RSPO3: variants seen among roughly 807,000 people sequenced by gnomAD.
RSPO3 encodes R-spondin 3.
Under a neutral mutation model 36.5 loss-of-function variants are expected in RSPO3, and 17 were observed. The ratio of observed to expected loss-of-function variants is 0.47; its 90% CI spans 0.32 to 0.70. The LOEUF is 0.70. Among genes scored for constraint, RSPO3 ranks in the 30% least tolerant of loss-of-function variants. The pLI is 0.04. For synonymous variants in RSPO3, 108 were observed against 107.0 expected, an observed-to-expected ratio of 1.01 and a Z score of -0.06; for missense variants, 294 against 322.5, an observed-to-expected ratio of 0.91 and a Z score of 0.68.
At chr6:127,124,121 G>A (rs922183443) in intron 1 of RSPO3, among the ~76,000 whole-genome samples, 1 of 151,924 alleles carries the variant, frequency 6.6e-6, no homozygotes, top group African/African-American at 2.4e-5. Context: ...GTAGAGTTAA[G>A]ACCAAAATAC....
At position 127,171,726 on chromosome 6, in the gene RSPO3, A is replaced by G. The variant is rs569563256; in HGVS notation, c.634+16288A>G. 4.0e-5 allele frequency among the ~76,000 whole-genome samples: 6 copies of G among 151,364 alleles called. No individual in the cohort carries two copies. The East Asian group carries it at 1.2e-3, about 30-fold the overall frequency. The stretch of plus-strand genomic sequence containing the variant: ...CTGTCATTTATCCTTCCTCTTTTTG[A>G]TTGCTAAATACATAATCTAAAATGT... On this transcript the variant is annotated intron_variant, in intron 4 of 4. Transcript: ENST00000356698.
intron 4 of RSPO3, among the ~76,000 whole-genome samples, chr6:127,164,012 T>C (rs1774763299): frequency 6.6e-6 from 1 of 152,090 alleles, no homozygotes; most frequent in South Asian, 2.1e-4. Flanking sequence ...TCTCCTCTGC[T>C]GCAGAGTCTT....
At chr6:127,144,620 T>G (rs190838234) in intron 1 of RSPO3, among the ~76,000 whole-genome samples, 4 of 149,400 alleles carry the variant, frequency 2.7e-5, no homozygotes, top group Admixed American at 2.7e-4. Flanking sequence ...TCTTTTTCTG[T>G]AATTTTTCAG....
At chr6:127,146,776 A>G (rs1206212567) in intron 1 of RSPO3, among the ~76,000 whole-genome samples, 1 of 152,092 alleles carries the variant, frequency 6.6e-6, no homozygotes, top group African/African-American at 2.4e-5. Context: ...TCTATAGACA[A>G]TTCTATGAAA....
Position 127,134,772 on chromosome 6 carries a change from C to A in RSPO3, c.98-13876C>A, listed in dbSNP as rs573655338. On this transcript the variant is annotated intron_variant, in intron 1 of 4. Coordinates refer to ENST00000356698, the MANE Select transcript of RSPO3 (RefSeq NM_032784.5). ...TGTTTATCTCATGGAACCTTCACAA[C>A]AATTTCATGAGATATTATTCCATTT... Among the ~76,000 whole-genome samples, 12 of 152,290 alleles carry A rather than the reference C, an allele frequency of 7.9e-5. No individual in the cohort carries two copies. The East Asian group carries it at 2.3e-3, about 29-fold the overall frequency.
At position 127,122,300 on chromosome 6, in the gene RSPO3, C is replaced by T. The variant is rs78066348; in HGVS notation, c.97+3011C>T. 4.3e-3 allele frequency among the ~76,000 whole-genome samples: 657 copies of T among 152,248 alleles called. 6 individuals are homozygous for T. The highest frequency in any genetic ancestry group is 0.015 in the African/African-American group (634 of 41,540). Reference sequence around the variant, plus strand: ...ATTTAGTTATGGGTGAATAAATACACAATAAATTTTTATCTATTTGAATTG... The same window carrying T: ...ATTTAGTTATGGGTGAATAAATACATAATAAATTTTTATCTATTTGAATTG... On this transcript the variant is annotated intron_variant, in intron 1 of 4. Coordinates refer to ENST00000356698, the MANE Select transcript of RSPO3 (RefSeq NM_032784.5).
At chr6:127,187,905 G>A (rs1028565862) in intron 4 of RSPO3, among the ~76,000 whole-genome samples, 2 of 152,036 alleles carry the variant, frequency 1.3e-5, no homozygotes, top group East Asian at 1.9e-4. Flanking sequence ...AGTAAAATTC[G>A]TAAACATTGC....
At chr6:127,147,420 T>C (rs527764915) in intron 1 of RSPO3, among the ~76,000 whole-genome samples, 12 of 152,334 alleles carry the variant, frequency 7.9e-5, no homozygotes, top group African/African-American at 2.9e-4. Flanking sequence ...GGGATGCCTT[T>C]AGATTCCTGT....
chr6:127,177,934 T>G (rs1029203437), intron 4 of RSPO3, among the ~76,000 whole-genome samples: 1 of 151,730 alleles, frequency 6.6e-6, no homozygotes, highest in African/African-American at 2.4e-5. Flanking sequence ...AAATAACTTT[T>G]GTCACGTTAG....
intron 4 of RSPO3, among the ~76,000 whole-genome samples, chr6:127,168,874 G>C (rs1183382560): frequency 6.6e-6 from 1 of 151,974 alleles, no homozygotes; most frequent in Non-Finnish European, 1.5e-5. Context: ...CCCATTTCTT[G>C]TTTTTGTCAG....
At chr6:127,129,924 A>G (rs955156051) in intron 1 of RSPO3, among the ~76,000 whole-genome samples, 3 of 152,128 alleles carry the variant, frequency 2.0e-5, no homozygotes, top group African/African-American at 7.2e-5. Flanking sequence ...CCTTAGGTCA[A>G]CTTAAATATC....
At chr6:127,126,060 G>A (rs1265705319) in intron 1 of RSPO3, among the ~76,000 whole-genome samples, 1 of 152,038 alleles carries the variant, frequency 6.6e-6, no homozygotes, top group Non-Finnish European at 1.5e-5. Context: ...AAGAGATGGA[G>A]GCCCATATTT....
At chr6:127,157,194 C>A (rs1045929727) in intron 4 of RSPO3, among the ~76,000 whole-genome samples, 1 of 152,058 alleles carries the variant, frequency 6.6e-6, no homozygotes, top group African/African-American at 2.4e-5. Context: ...GCTCCTGTTG[C>A]CGTACATTTA....
At chr6:127,192,191 C>T (rs1407133893) in intron 4 of RSPO3, among the ~76,000 whole-genome samples, 2 of 152,190 alleles carry the variant, frequency 1.3e-5, no homozygotes, top group African/African-American at 4.8e-5. Context: ...TCTATTTTAG[C>T]ATTAACATGT....
At chr6:127,171,755 G>C (rs898018283) in intron 4 of RSPO3, among the ~76,000 whole-genome samples, 7 of 151,432 alleles carry the variant, frequency 4.6e-5, no homozygotes, top group Admixed American at 1.3e-4. Context: ...AAAATGTTAG[G>C]TTGCAAACTA....
chr6:127,167,717 C>T (rs1394947012), intron 4 of RSPO3, among the ~76,000 whole-genome samples: 3 of 152,048 alleles, frequency 2.0e-5, no homozygotes, highest in South Asian at 4.1e-4. Context: ...CCCATTAACT[C>T]GTCATTTACA....
intron 1 of RSPO3, among the ~76,000 whole-genome samples, chr6:127,121,946 A>G (rs1773854305): frequency 6.6e-6 from 1 of 151,996 alleles, no homozygotes; most frequent in Non-Finnish European, 1.5e-5. Flanking sequence ...TAAGCTTAAA[A>G]TCATCAATAA....
At chr6:127,129,394 A>C (rs933713373) in intron 1 of RSPO3, among the ~76,000 whole-genome samples, 2 of 152,060 alleles carry the variant, frequency 1.3e-5, no homozygotes, top group Non-Finnish European at 2.9e-5. Flanking sequence ...GCTTCCTGAC[A>C]GACTTAATCC....
chr6:127,138,592 T>G (rs1774207952), intron 1 of RSPO3, among the ~76,000 whole-genome samples: 1 of 152,112 alleles, frequency 6.6e-6, no homozygotes, highest in Non-Finnish European at 1.5e-5. Context: ...ATGATTTTGA[T>G]GATTGCCTAA....
Sources: gnomAD v4.1 joint callset for allele counts (sites outside exome capture counted in the v4.1 genomes callset) on GRCh38, gnomAD v4.1.1 for gene constraint, MANE v1.5 for transcripts, NCBI Gene and HGNC (gene_info 2026-07-23, HGNC 2026-07-21) for gene names.